Variants in OSTF1 observed in about 807,000 individuals in gnomAD.
OSTF1 encodes osteoclast-stimulating factor 1.
OSTF1 carries 27 observed loss-of-function variants against 37.2 expected under a neutral mutation model. That is an observed-to-expected ratio of 0.73 (90% CI 0.54 to 1.00). The LOEUF is 1.00. OSTF1 is among the 50% of genes least tolerant of loss of function. The pLI, the probability that OSTF1 is intolerant of heterozygous loss-of-function variation, is 0.00. For missense variants in OSTF1, 232 were observed against 253.8 expected, an observed-to-expected ratio of 0.91 and a Z score of 0.58; for synonymous variants, 82 against 89.2, an observed-to-expected ratio of 0.92 and a Z score of 0.46.
intron 2 of OSTF1, among the ~76,000 whole-genome samples, chr9:75,118,529 C>T (rs995529862): frequency 6.6e-6 from 1 of 151,638 alleles, no homozygotes; most frequent in Admixed American, 6.6e-5. Context: ...AGCAGGGAGT[C>T]GAGACAGTTA....
intron 2 of OSTF1, among the ~76,000 whole-genome samples, chr9:75,124,522 C>T (rs928296575): frequency 8.5e-5 from 13 of 152,104 alleles, no homozygotes; most frequent in South Asian, 2.1e-4. Flanking sequence ...TGAGAACATG[C>T]GATGTTTGTT....
chr9:75,132,640 A>G (rs541712624), intron 5 of OSTF1, among the ~76,000 whole-genome samples: 16 of 152,300 alleles, frequency 1.1e-4, no homozygotes, highest in African/African-American at 3.4e-4. Flanking sequence ...GCTCCATTTC[A>G]TTCCATTTTT....
intron 3 of OSTF1, 24 bp from the exon 4 acceptor site, chr9:75,130,554 T>C (rs1389460322): frequency 1.9e-6 from 3 of 1,539,376 alleles, no homozygotes; most frequent in Middle Eastern, 3.3e-4. Context: ...TTCATACCAC[T>C]TAATTTAACT....
intron 7 of OSTF1, among the ~76,000 whole-genome samples, chr9:75,135,427 T>C (rs1472283592): frequency 6.6e-6 from 1 of 150,398 alleles, no homozygotes; most frequent in Non-Finnish European, 1.5e-5. Flanking sequence ...CCAATGATTA[T>C]GATGAACTCT....
intron 2 of OSTF1, among the ~76,000 whole-genome samples, chr9:75,124,327 A>G (rs1825628561): frequency 6.6e-6 from 1 of 152,182 alleles, no homozygotes; most frequent in African/African-American, 2.4e-5. Flanking sequence ...ATTATTGACT[A>G]TTAGCTATCC....
intron 1 of OSTF1, among the ~76,000 whole-genome samples, chr9:75,095,896 CT>C (rs565056095): frequency 0.012 from 1,741 of 146,068 alleles, 36 homozygotes; most frequent in African/African-American, 0.036. Context: ...TGTGGCCCCC[CT>C]TTTTTTTTTT....
intron 2 of OSTF1, among the ~76,000 whole-genome samples, chr9:75,124,731 A>G (rs1825635250): frequency 6.6e-6 from 1 of 152,046 alleles, no homozygotes; most frequent in Non-Finnish European, 1.5e-5. Context: ...ACTCATTACC[A>G]TGCTTGTGTG....
intron 1 of OSTF1, among the ~76,000 whole-genome samples, chr9:75,099,903 A>G (rs769814904): frequency 2.6e-5 from 4 of 152,330 alleles, no homozygotes; most frequent in Non-Finnish European, 4.4e-5. Flanking sequence ...AAGGACATAG[A>G]ATTATACTTA....
intron 1 of OSTF1, among the ~76,000 whole-genome samples, chr9:75,113,281 A>G (rs926431362): frequency 6.6e-6 from 1 of 152,188 alleles, no homozygotes; most frequent in Non-Finnish European, 1.5e-5. Flanking sequence ...GTAAATGTCA[A>G]GTAGAATATG....
At chr9:75,142,225 T>C (rs1043141094) in intron 9 of OSTF1, among the ~76,000 whole-genome samples, 3 of 152,186 alleles carry the variant, frequency 2.0e-5, no homozygotes, top group South Asian at 4.1e-4. Context: ...GGAGATGGGT[T>C]CTACTAAGGG....
chr9:75,127,079 C>T (rs937755998), intron 2 of OSTF1, among the ~76,000 whole-genome samples: 4 of 152,114 alleles, frequency 2.6e-5, no homozygotes, highest in Admixed American at 2.6e-4. Flanking sequence ...TGTTCATTCT[C>T]CCTGAACATG....
chr9:75,129,560 A>G (rs1825731785), intron 3 of OSTF1, among the ~76,000 whole-genome samples: 1 of 152,214 alleles, frequency 6.6e-6, no homozygotes, highest in Admixed American at 6.5e-5. Flanking sequence ...CCTAGGAAAT[A>G]GCCTTGCCAA....
chr9:75,096,393 T>G (rs1315390424), intron 1 of OSTF1, among the ~76,000 whole-genome samples: 2 of 152,240 alleles, frequency 1.3e-5, no homozygotes, highest in African/African-American at 2.4e-5. Flanking sequence ...ATTTTGGTTT[T>G]ATATTCTTGG....
At chr9:75,121,942 C>T (rs1825587218) in intron 2 of OSTF1, among the ~76,000 whole-genome samples, 1 of 152,214 alleles carries the variant, frequency 6.6e-6, no homozygotes. Context: ...CAGCAATGCG[C>T]AACCCCAGTC....
chr9:75,131,155 G>T (rs1433455923), intron 4 of OSTF1, among the ~76,000 whole-genome samples: 1 of 152,206 alleles, frequency 6.6e-6, no homozygotes, highest in Non-Finnish European at 1.5e-5. Context: ...GCAGAATCAA[G>T]TCAAAAGAGC....
intron 1 of OSTF1, among the ~76,000 whole-genome samples, chr9:75,102,349 G>GT (rs1254977714): frequency 6.6e-6 from 1 of 152,166 alleles, no homozygotes; most frequent in Admixed American, 6.5e-5. Context: ...CTGGGCTGGT[G>GT]TTTTTTCACT....
intron 1 of OSTF1, among the ~76,000 whole-genome samples, chr9:75,099,898 C>T (rs990506258): frequency 6.6e-6 from 1 of 152,014 alleles, no homozygotes; most frequent in Non-Finnish European, 1.5e-5. Flanking sequence ...ATTTTAAGGA[C>T]ATAGAATTAT....
rs1825510126 is a variant in OSTF1 at position 75,117,504 on chromosome 9, G to A, written c.35G>A (p.Gly12Glu). 1 of 1,608,028 alleles carries A rather than the reference G, an allele frequency of 6.2e-7. No individual in the cohort carries two copies. The highest frequency in any genetic ancestry group is 1.7e-5 in the Admixed American group (1 of 59,470). ...SKPPPKPVKP[G>E]QVKVFRALYT... is the part of the protein sequence containing the mutation. ...TTGTTGTTTTTTCTTCCTTTTTTAG[G>A]GCAAGTTAAAGTCTTCAGAGCCCTG... Residue 12 changes from glycine to glutamate, a missense_variant and splice_region_variant, in exon 2 of 10, where the codon GGG (glycine) becomes GAG (glutamate). By Grantham distance (98) the Gly-to-Glu change is moderately conservative. Coordinates refer to ENST00000346234, the MANE Select transcript of OSTF1 (RefSeq NM_012383.5).
At chr9:75,098,336 G>A (rs1441761327) in intron 1 of OSTF1, among the ~76,000 whole-genome samples, 3 of 152,190 alleles carry the variant, frequency 2.0e-5, no homozygotes, top group Admixed American at 6.5e-5. Context: ...AGATGGGAAA[G>A]GATAGGATGA....
Sources: allele counts gnomAD v4.1 joint callset (sites outside exome capture counted in the v4.1 genomes callset), GRCh38; gene constraint gnomAD v4.1.1; transcripts MANE v1.5; gene names NCBI Gene and HGNC (gene_info 2026-07-23, HGNC 2026-07-21).